Variants in JAZF1 observed in about 807,000 individuals in gnomAD.
JAZF1 encodes juxtaposed with another zinc finger protein 1.
A neutral mutation model predicts 26.4 loss-of-function variants in JAZF1; 8 were observed. The observed-to-expected ratio is 0.30, with a 90% CI of 0.18 to 0.55. The LOEUF (loss-of-function observed/expected upper bound fraction) is 0.55. JAZF1 is among the 20% of genes least tolerant of loss of function. The pLI is 0.94. For missense variants in JAZF1, 199 were observed against 322.0 expected, an observed-to-expected ratio of 0.62 and a Z score of 2.92; for synonymous variants, 126 against 122.3, an observed-to-expected ratio of 1.03 and a Z score of -0.20.
chr7:27,851,418 G>T (rs1486413822), intron 3 of JAZF1, among the ~76,000 whole-genome samples: 1 of 152,216 alleles, frequency 6.6e-6, no homozygotes, highest in Non-Finnish European at 1.5e-5. Flanking sequence ...GGAGGCTGAG[G>T]TGGGAGGATC....
At chr7:27,979,935 A>G (rs921740635) in intron 2 of JAZF1, among the ~76,000 whole-genome samples, 2 of 152,174 alleles carry the variant, frequency 1.3e-5, no homozygotes, top group African/African-American at 4.8e-5. Flanking sequence ...TACCTCTCTC[A>G]TAGAGTTTCC....
At chr7:27,834,264 G>A (rs142696806) in intron 4 of JAZF1, among the ~76,000 whole-genome samples, 25 of 152,292 alleles carry the variant, frequency 1.6e-4, no homozygotes, top group East Asian at 1.5e-3. Context: ...CCAAGTTCAC[G>A]CCTCACTAGT....
intron 3 of JAZF1, among the ~76,000 whole-genome samples, chr7:27,853,153 T>C (rs539372966): frequency 9.2e-5 from 14 of 152,226 alleles, no homozygotes; most frequent in Non-Finnish European, 1.6e-4. Context: ...GGGTATCTAC[T>C]GATTTCCTAC....
chr7:28,175,593 CAT>C (rs1416782530), intron 1 of JAZF1, among the ~76,000 whole-genome samples: 5 of 152,208 alleles, frequency 3.3e-5, no homozygotes, highest in Non-Finnish European at 7.3e-5. Context: ...AAGTGGCAGA[CAT>C]GTGTGTTCAA....
chr7:28,027,311 T>A (rs1583517175), intron 1 of JAZF1, among the ~76,000 whole-genome samples: 2 of 152,226 alleles, frequency 1.3e-5, no homozygotes, highest in African/African-American at 4.8e-5. Flanking sequence ...CTGGCCTGTT[T>A]CTGATCTCTC....
At chr7:28,079,290 G>A (rs1191138665) in intron 1 of JAZF1, among the ~76,000 whole-genome samples, 4 of 152,084 alleles carry the variant, frequency 2.6e-5, no homozygotes, top group Admixed American at 1.3e-4. Context: ...AACCACACCC[G>A]GCCATGCGCA....
intron 2 of JAZF1, among the ~76,000 whole-genome samples, chr7:27,984,398 A>C (rs1351464500): frequency 2.6e-5 from 4 of 152,238 alleles, no homozygotes; most frequent in Non-Finnish European, 4.4e-5. Flanking sequence ...CAACAAGAAG[A>C]GCTAACTATC....
Position 27,947,851 on chromosome 7 carries a change from C to G in JAZF1, c.188+44058G>C, listed in dbSNP as rs560835467. Among the ~76,000 whole-genome samples, 19 of 152,316 alleles carry G rather than the reference C, an allele frequency of 1.2e-4. No individual in the cohort carries two copies. In the East Asian group the frequency reaches 3.7e-3, roughly 29 times the overall value. On this transcript the variant is annotated intron_variant, in intron 2 of 4. Transcript: ENST00000283928. ...CACCCTTGGCCAGCATTGCCTTGAG[C>G]TGGCTGGAGACGGACACTCTGATGA... is the stretch of plus-strand genomic sequence containing the variant.
Position 27,980,739 on chromosome 7 carries a change from T to C in JAZF1, c.188+11170A>G, listed in dbSNP as rs1428387537. On this transcript the variant is annotated intron_variant, in intron 2 of 4. Coordinates refer to ENST00000283928, the MANE Select transcript of JAZF1 (RefSeq NM_175061.4). Reference sequence around the variant, plus strand: ...CTCTTATTTGTATAAACATCATTTTTTTTAAAAGCACCATCTTCTGTCATA... The same window carrying C: ...CTCTTATTTGTATAAACATCATTTTCTTTAAAAGCACCATCTTCTGTCATA... 1.4e-5 allele frequency among the ~76,000 whole-genome samples: 2 copies of C among 147,626 alleles called. 1 individual carries two copies. The highest frequency in any genetic ancestry group is 5.4e-5 in the African/African-American group (2 of 37,258).
chr7:28,021,566 C>A (rs1418630235), intron 1 of JAZF1, among the ~76,000 whole-genome samples: 1 of 152,258 alleles, frequency 6.6e-6, no homozygotes, highest in East Asian at 1.9e-4. Flanking sequence ...AGGCCGCCAC[C>A]GCCTGTGGAA....
intron 1 of JAZF1, among the ~76,000 whole-genome samples, chr7:28,160,712 C>T (rs749660823): frequency 6.6e-6 from 1 of 152,128 alleles, no homozygotes; most frequent in African/African-American, 2.4e-5. Flanking sequence ...ATATATTTAT[C>T]GAAACAGCTC....
rs932361299 is a variant in JAZF1, at chr7:27,832,514, C to T, written c.*286G>A. 4 of 266,158 alleles carry T rather than the reference C, an allele frequency of 1.5e-5. No individual in the cohort carries two copies. Among genetic ancestry groups the T allele is most frequent in the African/African-American group, 8.7e-5 (4 of 46,234 alleles). The allele number at this position is 266,158 out of a possible 1,614,324, so 16.5% of individuals were successfully genotyped here. A position where few individuals can be genotyped will look rare whatever the true frequency, so the allele number is the denominator to read the frequency against. ...AATTCAACAATATGCAACATGCCCTCAATTTTATTTTGTTTTGGGGGAAAT... is the reference window on the plus strand; with the variant it reads ...AATTCAACAATATGCAACATGCCCTTAATTTTATTTTGTTTTGGGGGAAAT... On this transcript the variant is annotated 3_prime_UTR_variant, in exon 5 of 5. Coordinates refer to ENST00000283928, the MANE Select transcript of JAZF1 (RefSeq NM_175061.4).
intron 1 of JAZF1, among the ~76,000 whole-genome samples, chr7:28,014,349 A>G (rs866282188): frequency 4.2e-4 from 64 of 152,162 alleles, no homozygotes; most frequent in African/African-American, 1.5e-3. Flanking sequence ...TCCATTTCTG[A>G]TGAACCATCT....
At chr7:27,880,736 C>T (rs894471906) in intron 3 of JAZF1, among the ~76,000 whole-genome samples, 2 of 152,168 alleles carry the variant, frequency 1.3e-5, no homozygotes, top group Admixed American at 6.5e-5. Context: ...GCAATCTAGG[C>T]TCACTGCAGC....
At chr7:28,027,578 T>C (rs551679372) in intron 1 of JAZF1, among the ~76,000 whole-genome samples, 15 of 152,154 alleles carry the variant, frequency 9.9e-5, no homozygotes, top group Middle Eastern at 3.4e-3. Flanking sequence ...AGCAGAGAAA[T>C]GGGAACGTGG....
At chr7:27,894,593 C>T (rs553777657) in intron 3 of JAZF1, among the ~76,000 whole-genome samples, 32 of 151,830 alleles carry the variant, frequency 2.1e-4, no homozygotes, top group Admixed American at 9.2e-4. Context: ...GGGAGACTGA[C>T]GGGAAAGAGA....
chr7:27,942,470 C>T (rs1198542235), intron 2 of JAZF1, among the ~76,000 whole-genome samples: 2 of 152,206 alleles, frequency 1.3e-5, no homozygotes, highest in African/African-American at 4.8e-5. Flanking sequence ...TTTAACTGAG[C>T]ATTTACTACG....
intron 2 of JAZF1, among the ~76,000 whole-genome samples, chr7:27,919,131 A>G (rs17621988): frequency 0.33 from 50,322 of 152,116 alleles, 8,667 homozygotes; most frequent in East Asian, 0.49. Context: ...AACTTTAAAT[A>G]CTCAACACCT....
chr7:28,051,868 G>A (rs899186831), intron 1 of JAZF1, among the ~76,000 whole-genome samples: 10 of 152,104 alleles, frequency 6.6e-5, no homozygotes, highest in South Asian at 2.1e-4. Context: ...TGATTTAGAC[G>A]GGCATTAGAA....
Sources: gnomAD v4.1 joint callset for allele counts (sites outside exome capture counted in the v4.1 genomes callset) on GRCh38, gnomAD v4.1.1 for gene constraint, MANE v1.5 for transcripts, NCBI Gene and HGNC (gene_info 2026-07-23, HGNC 2026-07-21) for gene names.